Variants in LRRC8C observed in about 807,000 individuals in gnomAD.
LRRC8C encodes leucine rich repeat containing 8 VRAC subunit C, also known as volume-regulated anion channel subunit LRRC8C.
A neutral mutation model predicts 55.3 loss-of-function variants in LRRC8C; 20 were observed. The observed-to-expected ratio is 0.36, with a 90% confidence interval of 0.25 to 0.53. The LOEUF (loss-of-function observed/expected upper bound fraction) is 0.53, where lower values mean the gene tolerates loss of function less well. Ranked by LOEUF, LRRC8C falls within the 20% of genes least tolerant of loss-of-function variation. LRRC8C has a pLI of 0.92. For synonymous variants in LRRC8C, 376 were observed against 360.7 expected, an observed-to-expected ratio of 1.04 and a Z score of -0.48; for missense variants, 659 against 951.4, an observed-to-expected ratio of 0.69 and a Z score of 4.04.
In LRRC8C at chr1:89,714,269, C is replaced by T. The variant is rs1217283138; in HGVS notation, c.1699C>T (p.Leu567Phe). Residue 567 changes from leucine (L) to phenylalanine (F), a missense_variant, in exon 3 of 3, where the codon CTC (leucine) becomes TTC (phenylalanine). Physicochemically the swap from Leu to Phe is conservative, Grantham distance 22. Around this residue, in one of 5 missense-constraint regions of LRRC8C, gnomAD observed 344 missense variants for 464.6 expected, o/e 0.74. Transcript: ENST00000370454. The surrounding 1 kb of genome is among the most constrained non-coding windows in gnomAD (Gnocchi z 4.6). ...GGCAGTGGTTGATGTTTCCAGCCAT[C>T]TCCAGAAGATGTGCATACATAATGA... ...PQAVVDVSSH[L>F]QKMCIHNDGT... 6.2e-7 allele frequency: 1 copy of T among 1,614,094 alleles called. No individual in the cohort carries two copies. The highest frequency in any genetic ancestry group is 8.5e-7 in the Non-Finnish European group (1 of 1,180,004).
chr1:89,639,255 G>A (rs1656388481), intron 1 of LRRC8C, among the ~76,000 whole-genome samples: 2 of 152,094 alleles, frequency 1.3e-5, no homozygotes, highest in South Asian at 2.1e-4. Flanking sequence ...CAAGTACTGG[G>A]ATTACAGGCG....
chr1:89,659,056 TTTTTTTGTGTGTGTG>T (rs1430400548), intron 1 of LRRC8C, among the ~76,000 whole-genome samples: 12 of 31,996 alleles, frequency 3.8e-4, no homozygotes, highest in East Asian at 1.1e-3. Context: ...AGGTTTTTTT[TTTTTTTGTGTGTGTG>T]TGTGTGTGTG....
At chr1:89,658,887 A>G (rs1296316501) in intron 1 of LRRC8C, among the ~76,000 whole-genome samples, 1 of 152,174 alleles carries the variant, frequency 6.6e-6, no homozygotes, top group Non-Finnish European at 1.5e-5. Flanking sequence ...AAAGATTTAT[A>G]GCCAAAGAAT....
chr1:89,708,089 T>A (rs1171101195), intron 2 of LRRC8C, among the ~76,000 whole-genome samples: 2 of 152,074 alleles, frequency 1.3e-5, no homozygotes, highest in Non-Finnish European at 2.9e-5. Context: ...TTTTCTTCAC[T>A]TCTCCCCCCA....
At chr1:89,653,540 A>G (rs1053932320) in intron 1 of LRRC8C, among the ~76,000 whole-genome samples, 2 of 152,230 alleles carry the variant, frequency 1.3e-5, no homozygotes, top group Non-Finnish European at 2.9e-5. Flanking sequence ...ACTGTGAGAA[A>G]CAATGGTAAA....
intron 1 of LRRC8C, among the ~76,000 whole-genome samples, chr1:89,660,686 C>T (rs956065708): frequency 3.9e-5 from 6 of 152,164 alleles, no homozygotes; most frequent in East Asian, 3.8e-4. Flanking sequence ...AATGTTGGCT[C>T]CTGGAGAAAT....
chr1:89,631,214 G>A (rs540332729), upstream of LRRC8C, among the ~76,000 whole-genome samples: 1 of 152,282 alleles, frequency 6.6e-6, no homozygotes, highest in South Asian at 2.1e-4. Context: ...GCACCCTGTA[G>A]TACTATACCT....
At chr1:89,678,925 A>G (rs892353392) in intron 1 of LRRC8C, among the ~76,000 whole-genome samples, 1 of 152,136 alleles carries the variant, frequency 6.6e-6, no homozygotes, top group Non-Finnish European at 1.5e-5. Context: ...TGGACAGGCC[A>G]AGTTTGATGT....
chr1:89,651,046 C>T (rs1656758930), intron 1 of LRRC8C, among the ~76,000 whole-genome samples: 1 of 152,148 alleles, frequency 6.6e-6, no homozygotes, highest in Admixed American at 6.5e-5. Flanking sequence ...AAGCATAACA[C>T]AGTGGGTAAC....
chr1:89,649,011 A>G (rs1469671535), intron 1 of LRRC8C, among the ~76,000 whole-genome samples: 1 of 152,096 alleles, frequency 6.6e-6, no homozygotes, highest in African/African-American at 2.4e-5. Context: ...TTCACCTTTT[A>G]GCTTTTGTAA....
chr1:89,635,775 C>T (rs1328475680), intron 1 of LRRC8C, among the ~76,000 whole-genome samples: 1 of 152,176 alleles, frequency 6.6e-6, no homozygotes, highest in Non-Finnish European at 1.5e-5. Context: ...AATGACTGAT[C>T]CAGAGCTTAA....
chr1:89,623,158 ACACACACACACACACACACACACATGCG>A, the LRRC8C span, among the ~76,000 whole-genome samples: 17 of 40,308 alleles, frequency 4.2e-4, no homozygotes, highest in Non-Finnish European at 4.3e-4. Context: ...TCAGACACAC[ACACACACACACACACACACACACATGCG>A]CACACACACA....
chr1:89,712,975 C>T lies in LRRC8C; in HGVS notation c.405C>T (p.Thr135=), dbSNP rs1241334409. 5 of 1,613,548 alleles carry T rather than the reference C, an allele frequency of 3.1e-6. No individual in the cohort carries two copies. The highest frequency in any genetic ancestry group is 3.3e-5 in the Admixed American group (2 of 59,996). The part of the protein sequence containing the change: ...KYFPYLVLIH[T]LVFMLCSNFW... The stretch of plus-strand genomic sequence containing the variant: ...TCCCTTACCTTGTCCTCATCCATAC[C>T]CTGGTCTTTATGCTCTGCAGTAACT... The change falls in exon 3 of 3, where the codon ACC becomes ACT. Residue 135 remains threonine (T), a synonymous_variant. Transcript: ENST00000370454.
At chr1:89,639,169 T>G (rs1286321373) in intron 1 of LRRC8C, among the ~76,000 whole-genome samples, 1 of 151,858 alleles carries the variant, frequency 6.6e-6, no homozygotes. Flanking sequence ...GTCTTTTTAG[T>G]AGAGATAGGG....
the LRRC8C span, chr1:89,626,123 G>T: frequency 6.6e-6 from 1 of 152,180 alleles, no homozygotes; most frequent in East Asian, 1.9e-4. Context: ...GTAGCTGCAG[G>T]TGCCAAATAC....
At chr1:89,669,396 G>A (rs1657357364) in intron 1 of LRRC8C, among the ~76,000 whole-genome samples, 1 of 151,992 alleles carries the variant, frequency 6.6e-6, no homozygotes, top group African/African-American at 2.4e-5. Context: ...CAAACTGTAT[G>A]GTATGCTTAA....
intron 1 of LRRC8C, among the ~76,000 whole-genome samples, chr1:89,681,375 G>A (rs1455474139): frequency 6.6e-6 from 1 of 152,108 alleles, no homozygotes; most frequent in Non-Finnish European, 1.5e-5. Flanking sequence ...TCACCTTTTT[G>A]CATCAAAAAC....
the LRRC8C span, among the ~76,000 whole-genome samples, chr1:89,624,258 T>C: frequency 6.6e-6 from 1 of 152,228 alleles, no homozygotes; most frequent in Admixed American, 6.5e-5. Flanking sequence ...GAGAAAGACA[T>C]TATCTCTATC....
chr1:89,620,753 T>C, the LRRC8C span, among the ~76,000 whole-genome samples: 1 of 152,226 alleles, frequency 6.6e-6, no homozygotes, highest in Non-Finnish European at 1.5e-5. Flanking sequence ...GATCAGGAGA[T>C]TCATACTTGC....
Sources: allele counts gnomAD v4.1 joint callset (sites outside exome capture counted in the v4.1 genomes callset), GRCh38; gene constraint gnomAD v4.1.1; regional missense constraint gnomAD v4.1.1; non-coding constraint Gnocchi (gnomAD v3.1); transcripts MANE v1.5; gene names NCBI Gene and HGNC (gene_info 2026-07-23, HGNC 2026-07-21).